Variants in DENND5A observed in about 807,000 individuals in gnomAD.
DENND5A encodes the protein DENN domain-containing protein 5A.
In DENND5A, 64 loss-of-function variants were observed where a neutral mutation model predicts 140.3. The observed-to-expected ratio is 0.46, with a 90% confidence interval of 0.37 to 0.56. The LOEUF (loss-of-function observed/expected upper bound fraction) is 0.56, where lower values mean the gene tolerates loss of function less well. Among genes scored for constraint, DENND5A ranks in the 20% least tolerant of loss-of-function variants. The pLI is 0.00. For missense variants in DENND5A, 1,292 were observed against 1,593.8 expected (o/e 0.81, Z 3.22); for synonymous variants, 605 against 607.7 (o/e 1.00, Z 0.07).
At chr11:9,217,756 CATAAAG>C (rs1850151309) in intron 1 of DENND5A, among the ~76,000 whole-genome samples, 1 of 152,100 alleles carries the variant, frequency 6.6e-6, no homozygotes, top group Non-Finnish European at 1.5e-5. Context: ...AGTATATCTT[CATAAAG>C]TGATTTAAAA....
rs1851316368 is a variant in DENND5A, at chr11:9,243,116, ACT to A, written c.109+21843_109+21844del. Among the ~76,000 whole-genome samples the A allele has an allele frequency of 1.0e-3, 155 of 149,034 alleles. 8 individuals are homozygous for A. Among genetic ancestry groups the A allele is most frequent in the Non-Finnish European group, 1.4e-3 (97 of 67,064 alleles). ...AAAAAAAAAAAAAACAAAAAAAAAA[ACT>A]GAGGCGAGTAAGGCTAATTGGAATA... On this transcript the variant is annotated intron_variant, in intron 1 of 22. Transcript: ENST00000328194.
rs1300066037 is a variant in DENND5A, at chr11:9,178,980, G to A, written c.1549C>T (p.Arg517Trp). The A allele has an allele frequency of 3.7e-6, 6 of 1,614,012 alleles. No individual in the cohort carries two copies. Among genetic ancestry groups the A allele is most frequent in the Non-Finnish European group, 5.1e-6 (6 of 1,179,998 alleles). The change falls in exon 7 of 23, where the codon CGG becomes TGG. Residue 517 changes from arginine to tryptophan, a missense_variant. Arg to Trp is a moderately radical substitution (Grantham distance 101, BLOSUM62 -3). Coordinates refer to ENST00000328194, the MANE Select transcript of DENND5A (RefSeq NM_015213.4). ...LRIYQLNIQI[R>W]EVFANRFTQM... ...GTGAAACGATTTGCAAAAACTTCCC[G>A]GATCTGAATGTTTAGCTGGTAAATC... is the stretch of plus-strand genomic sequence containing the variant.
chr11:9,193,739 G>T, intron 4 of DENND5A, 58 bp from the exon 5 acceptor site: 1 of 1,436,222 alleles, frequency 7.0e-7, no homozygotes, highest in Non-Finnish European at 9.5e-7. Context: ...CAAGGCACTT[G>T]CTTTCCAAAC....
At chr11:9,258,750 C>A (rs1852062700) in intron 1 of DENND5A, among the ~76,000 whole-genome samples, 1 of 152,076 alleles carries the variant, frequency 6.6e-6, no homozygotes, top group Admixed American at 6.6e-5. Flanking sequence ...GCAAGGGAGA[C>A]AAATATTCTC....
chr11:9,185,011 C>A (rs909813458), intron 5 of DENND5A, among the ~76,000 whole-genome samples: 2 of 151,982 alleles, frequency 1.3e-5, no homozygotes, highest in Non-Finnish European at 2.9e-5. Flanking sequence ...ACCAACATGG[C>A]GAAACCTCAT....
chr11:9,181,189 T>C (rs922072024), intron 5 of DENND5A, 105 bp from the exon 6 acceptor site: 17 of 919,278 alleles, frequency 1.8e-5, no homozygotes, highest in African/African-American at 1.7e-4. Context: ...ACACCTGAAA[T>C]GGCTATATTT....
chr11:9,159,918 T>C (rs145488632), intron 12 of DENND5A, among the ~76,000 whole-genome samples: 2 of 152,230 alleles, frequency 1.3e-5, no homozygotes, highest in African/African-American at 2.4e-5. Flanking sequence ...CATGGGCATA[T>C]GTACACAGAA....
Position 9,207,599 on chromosome 11 carries a change from C to T in DENND5A, c.143G>A (p.Arg48Lys), listed in dbSNP as rs145424684. 7.4e-6 allele frequency: 12 copies of T among 1,613,498 alleles called. No individual in the cohort carries two copies. In the African/African-American group the frequency reaches 1.1e-4, roughly 14 times the overall value. ...LCQYIQASKA[R>K]DGASPFISST... ...TGAAATGAAAGGGCTGGCACCATCCCTGGCTTTAGAAGCCTGTATGTACTG... is the reference window on the plus strand; with the variant it reads ...TGAAATGAAAGGGCTGGCACCATCCTTGGCTTTAGAAGCCTGTATGTACTG... The change falls in exon 2 of 23, where the codon AGG (arginine) becomes AAG (lysine). Residue 48 changes from arginine to lysine, a missense_variant. This residue lies in a region of DENND5A where 566 missense variants were observed against 650.4 expected (regional missense o/e 0.87). Coordinates refer to ENST00000328194, the MANE Select transcript of DENND5A (RefSeq NM_015213.4).
chr11:9,249,180 A>G (rs1851608004), intron 1 of DENND5A, among the ~76,000 whole-genome samples: 1 of 151,952 alleles, frequency 6.6e-6, no homozygotes, highest in African/African-American at 2.4e-5. Flanking sequence ...GTGAGCTGAG[A>G]TAGTGCCACC....
chr11:9,148,158 G>A (rs1349454187), intron 15 of DENND5A, among the ~76,000 whole-genome samples: 2 of 152,166 alleles, frequency 1.3e-5, no homozygotes, highest in Admixed American at 1.3e-4. Context: ...AATTTAAAGA[G>A]CCATACGCTT....
intron 9 of DENND5A, chr11:9,170,172 T>C: frequency 1.5e-6 from 1 of 678,032 alleles, no homozygotes; most frequent in Non-Finnish European, 1.8e-6. Flanking sequence ...TCTTGAAACA[T>C]CTACAAACAC....
At position 9,161,001 on chromosome 11, in the gene DENND5A, A is replaced by C. The variant is rs548302171; in HGVS notation, c.2284-136T>G. 2.4e-5 allele frequency: 20 copies of C among 838,604 alleles called. No individual in the cohort carries two copies. The African/African-American group carries it at 3.0e-4, about 13-fold the overall frequency. 51.9% of individuals were successfully genotyped at this position (838,604 alleles called of 1,614,324 possible). A position where few individuals can be genotyped will look rare whatever the true frequency, so the allele number is the denominator to read the frequency against. On this transcript the variant is annotated intron_variant, in intron 11 of 22. Transcript: ENST00000328194. ...GATGAATTAGCCCCAAGGACACAGA[A>C]TATATTTATACCCATGTAGGTCAGG...
intron 1 of DENND5A, among the ~76,000 whole-genome samples, chr11:9,248,064 C>A (rs1458993532): frequency 2.0e-5 from 3 of 152,110 alleles, no homozygotes; most frequent in South Asian, 2.1e-4. Flanking sequence ...CTCACTGCAA[C>A]CTCTGCCTCC....
At chr11:9,188,080 T>A (rs186780096) in intron 5 of DENND5A, among the ~76,000 whole-genome samples, 1 of 152,316 alleles carries the variant, frequency 6.6e-6, no homozygotes, top group East Asian at 1.9e-4. Flanking sequence ...AAATCTCATC[T>A]TAAATTCTCA....
intron 1 of DENND5A, among the ~76,000 whole-genome samples, chr11:9,253,247 G>T (rs1010272330): frequency 3.9e-5 from 6 of 152,132 alleles, no homozygotes; most frequent in African/African-American, 1.4e-4. Flanking sequence ...GGAAAGGGGT[G>T]TTACCAAAGG....
At chr11:9,224,855 C>T (rs1432461182) in intron 1 of DENND5A, among the ~76,000 whole-genome samples, 1 of 141,110 alleles carries the variant, frequency 7.1e-6, no homozygotes, top group South Asian at 2.3e-4. Flanking sequence ...AAGACTCCAT[C>T]CAAAAAAAAA....
At chr11:9,140,563 C>T (rs1228938150) in intron 22 of DENND5A, among the ~76,000 whole-genome samples, 1 of 152,164 alleles carries the variant, frequency 6.6e-6, no homozygotes, top group Non-Finnish European at 1.5e-5. Flanking sequence ...ACTTCAGTCC[C>T]CTGATGAAAC....
chr11:9,177,466 T>C (rs538197579), intron 8 of DENND5A, among the ~76,000 whole-genome samples: 11 of 148,378 alleles, frequency 7.4e-5, no homozygotes, highest in East Asian at 2.0e-4. Flanking sequence ...AGACGGAGCA[T>C]AGCAAAACCT....
At chr11:9,144,713 C>G (rs935069924) in intron 18 of DENND5A, among the ~76,000 whole-genome samples, 1 of 151,052 alleles carries the variant, frequency 6.6e-6, no homozygotes, top group African/African-American at 2.4e-5. Context: ...CGCCTCAGCC[C>G]AGGAGGCACA....
Sources: gnomAD v4.1 joint callset for allele counts (sites outside exome capture counted in the v4.1 genomes callset) on GRCh38, gnomAD v4.1.1 for gene constraint, gnomAD v4.1.1 regional missense constraint, MANE v1.5 for transcripts, NCBI Gene and HGNC (gene_info 2026-07-23, HGNC 2026-07-21) for gene names.